The following PLCB4 variants were observed in gnomAD, a reference collection of about 807,000 sequenced individuals.
PLCB4 encodes the protein phospholipase C beta 4, also known as 1-phosphatidylinositol 4,5-bisphosphate phosphodiesterase beta-4.
Under a neutral mutation model 178.8 loss-of-function variants are expected in PLCB4, and 77 were observed. That is an observed-to-expected ratio of 0.43 (90% CI 0.36 to 0.52). PLCB4 has a LOEUF of 0.52. Ranked by LOEUF, PLCB4 falls within the 20% of genes least tolerant of loss-of-function variation. The pLI is 0.00. For synonymous variants in PLCB4, 496 were observed against 490.8 expected (o/e 1.01, Z -0.14); for missense variants, 1,024 against 1,453.4 (o/e 0.70, Z 4.80).
chr20:9,459,823 C>T lies in PLCB4; in HGVS notation c.3248+13C>T. The T allele has an allele frequency of 1.3e-6, 2 of 1,576,712 alleles. No homozygotes were observed. The highest frequency in any genetic ancestry group is 1.7e-6 in the Non-Finnish European group (2 of 1,149,330). ...TGTCCCATGACAGGTGGGGGAATTG[C>T]CGTCTCCAGAGTAAACATCTAATAT... On this transcript the variant is annotated intron_variant, in intron 35 of 39. Coordinates refer to ENST00000378473, the MANE Select transcript of PLCB4 (RefSeq NM_001377142.1).
At chr20:9,155,315 G>A (rs1225565402) in intron 2 of PLCB4, among the ~76,000 whole-genome samples, 1 of 152,106 alleles carries the variant, frequency 6.6e-6, no homozygotes, top group East Asian at 1.9e-4. Context: ...ATTCCATGGT[G>A]TATATGTACC....
At chr20:9,434,748 C>T (rs1226993199) in intron 28 of PLCB4, among the ~76,000 whole-genome samples, 4 of 152,024 alleles carry the variant, frequency 2.6e-5, no homozygotes, top group Admixed American at 2.6e-4. Context: ...GAATTATGTG[C>T]CCCGTGTACT....
At chr20:9,166,961 A>C (rs2092983484) in intron 2 of PLCB4, among the ~76,000 whole-genome samples, 1 of 152,100 alleles carries the variant, frequency 6.6e-6, no homozygotes, top group Non-Finnish European at 1.5e-5. Context: ...TTGAAGACAA[A>C]ATTGTGCCAA....
At position 9,457,938 on chromosome 20, in the gene PLCB4, G is replaced by C. The variant is rs190197554; in HGVS notation, c.3072+449G>C. Among the ~76,000 whole-genome samples the C allele has an allele frequency of 2.6e-5, 4 of 152,252 alleles. No individual in the cohort carries two copies. In the East Asian group the frequency reaches 7.7e-4, roughly 29 times the overall value. The stretch of plus-strand genomic sequence containing the variant: ...AAAATTAAGAGCTGATATTCTAAAA[G>C]AGAAGCCTAATTACTCACATTTTCT... On this transcript the variant is annotated intron_variant, in intron 34 of 39. Transcript: ENST00000378473.
intron 36 of PLCB4, among the ~76,000 whole-genome samples, chr20:9,472,216 G>C (rs1286502573): frequency 2.0e-5 from 3 of 152,188 alleles, no homozygotes; most frequent in Non-Finnish European, 4.4e-5. Flanking sequence ...ATGCCACTGT[G>C]CCTGGCCAGC....
At position 9,478,122 on chromosome 20, in the gene PLCB4, C is replaced by T. The variant is rs138401385; in HGVS notation, c.3533-799C>T. Among the ~76,000 whole-genome samples, 284 of 152,238 alleles carry T rather than the reference C, an allele frequency of 1.9e-3. 2 individuals are homozygous for T. The highest frequency in any genetic ancestry group is 6.4e-3 in the African/African-American group (266 of 41,540). ...AGGCTACCAGTTGGATAATAAAAGT[C>T]GAAATGTACTATTTGATTTTTTCCT... On this transcript the variant is annotated intron_variant, in intron 39 of 39. Coordinates refer to ENST00000378473, the MANE Select transcript of PLCB4 (RefSeq NM_001377142.1).
chr20:9,194,332 C>T (rs2147153983), intron 2 of PLCB4, among the ~76,000 whole-genome samples: 1 of 152,196 alleles, frequency 6.6e-6, no homozygotes, highest in South Asian at 2.1e-4. Context: ...GGAGGGTGAA[C>T]TCAGGTAATT....
chr20:9,152,375 C>CTGGG (rs2092705998), intron 2 of PLCB4, among the ~76,000 whole-genome samples: 1 of 152,104 alleles, frequency 6.6e-6, no homozygotes, highest in Non-Finnish European at 1.5e-5. Flanking sequence ...ATTTCATGGG[C>CTGGG]CGGGCCCAGT....
At chr20:9,473,477 G>C (rs141644372) in intron 38 of PLCB4, 112 bp downstream of exon 38, 28 of 515,688 alleles carry the variant, frequency 5.4e-5, no homozygotes, top group Middle Eastern at 5.9e-4. Context: ...AAGGTAGATA[G>C]AAGAATTTGT....
At chr20:9,387,892 C>T (rs2037809772) in intron 15 of PLCB4, among the ~76,000 whole-genome samples, 1 of 152,150 alleles carries the variant, frequency 6.6e-6, no homozygotes, top group Non-Finnish European at 1.5e-5. Flanking sequence ...TTCAAGGTGG[C>T]ATAAAAAGAT....
At chr20:9,373,210 C>T (rs1421461446) in intron 12 of PLCB4, 106 bp downstream of exon 12, 1 of 584,218 alleles carries the variant, frequency 1.7e-6, no homozygotes, top group African/African-American at 1.9e-5. Context: ...CGCTTTGCTT[C>T]TGACCTGCTG....
At chr20:9,466,693 TG>T in intron 35 of PLCB4, among the ~76,000 whole-genome samples, 1 of 152,218 alleles carries the variant, frequency 6.6e-6, no homozygotes, top group Non-Finnish European at 1.5e-5. Flanking sequence ...TCATCATCAC[TG>T]GTCATCAGAG....
At chr20:9,264,528 ATGT>A (rs1047985229) in intron 3 of PLCB4, among the ~76,000 whole-genome samples, 34 of 152,274 alleles carry the variant, frequency 2.2e-4, no homozygotes, top group Middle Eastern at 3.4e-3. Flanking sequence ...ATCAGTGTTT[ATGT>A]TGTTGGAGTA....
intron 1 of PLCB4, among the ~76,000 whole-genome samples, chr20:9,077,335 C>CCTAT (rs2089919867): frequency 6.6e-6 from 1 of 152,080 alleles, no homozygotes; most frequent in African/African-American, 2.4e-5. Context: ...TGGTCAAAAG[C>CCTAT]CTATGCACAC....
At chr20:9,098,771 A>G (rs1380323172) in intron 2 of PLCB4, among the ~76,000 whole-genome samples, 1 of 74,760 alleles carries the variant, frequency 1.3e-5, no homozygotes, top group African/African-American at 5.8e-5. Flanking sequence ...GTGTATATAT[A>G]TATGAGACTA....
intron 3 of PLCB4, among the ~76,000 whole-genome samples, chr20:9,304,847 C>A (rs1435223064): frequency 6.8e-6 from 1 of 147,892 alleles, no homozygotes; most frequent in Non-Finnish European, 1.5e-5. Context: ...TTCATTCCTG[C>A]GTTTTCTTTT....
intron 14 of PLCB4, among the ~76,000 whole-genome samples, 165 bp downstream of exon 14, chr20:9,384,576 T>C (rs1602264834): frequency 6.6e-6 from 1 of 152,188 alleles, no homozygotes; most frequent in African/African-American, 2.4e-5. Context: ...AAGGACAGTA[T>C]CTCTTTCGGA....
intron 24 of PLCB4, 22 bp from the exon 25 acceptor site, chr20:9,411,015 A>T: frequency 6.3e-7 from 1 of 1,594,722 alleles, no homozygotes; most frequent in Non-Finnish European, 8.6e-7. Flanking sequence ...CAAGATGCTA[A>T]ATTATTTTTG....
intron 4 of PLCB4, among the ~76,000 whole-genome samples, chr20:9,309,552 C>T (rs929506852): frequency 1.3e-5 from 2 of 152,150 alleles, no homozygotes; most frequent in Non-Finnish European, 2.9e-5. Context: ...TTATCTTTTT[C>T]TCTCCAGGGA....
Sources: allele counts gnomAD v4.1 joint callset (sites outside exome capture counted in the v4.1 genomes callset), GRCh38; gene constraint gnomAD v4.1.1; transcripts MANE v1.5; gene names NCBI Gene and HGNC (gene_info 2026-07-23, HGNC 2026-07-21).